ERO1B: variants seen among roughly 807,000 people sequenced by gnomAD.
ERO1B encodes ERO1-like protein beta.
Under a neutral mutation model 75.3 loss-of-function variants are expected in ERO1B, and 49 were observed. The observed-to-expected ratio is 0.65, with a 90% CI of 0.52 to 0.83. The LOEUF (loss-of-function observed/expected upper bound fraction) is 0.83. Among genes scored for constraint, ERO1B ranks in the 40% least tolerant of loss-of-function variants. ERO1B has a pLI of 0.00. For synonymous variants in ERO1B, 191 were observed against 192.9 expected, an observed-to-expected ratio of 0.99 and a Z score of 0.08; for missense variants, 512 against 560.1, an observed-to-expected ratio of 0.91 and a Z score of 0.87.
At chr1:236,224,275 T>A (rs1664225338) in intron 13 of ERO1B, among the ~76,000 whole-genome samples, 1 of 152,114 alleles carries the variant, frequency 6.6e-6, no homozygotes, top group South Asian at 2.1e-4. Context: ...TTTTTGAAAC[T>A]ACCCGGATTT....
At chr1:236,220,638 G>A (rs1469834331) in intron 15 of ERO1B, 194 bp downstream of exon 15, 1 of 397,868 alleles carries the variant, frequency 2.5e-6, no homozygotes, top group Non-Finnish European at 4.3e-6. Flanking sequence ...CTGGCAATTG[G>A]AAACTTAGTT....
At position 236,281,864 on chromosome 1, in the gene ERO1B, G is replaced by A; in HGVS notation, c.-81C>T. 2 of 1,079,772 alleles carry A rather than the reference G, an allele frequency of 1.9e-6. No homozygotes were observed. Among genetic ancestry groups the A allele is most frequent in the Admixed American group, 3.6e-5 (1 of 27,426 alleles). 66.9% of individuals were successfully genotyped at this position (1,079,772 alleles called of 1,614,324 possible). A position where few individuals can be genotyped will look rare whatever the true frequency, so the allele number is the denominator to read the frequency against. On this transcript the variant is annotated 5_prime_UTR_variant, in exon 1 of 16. Coordinates refer to ENST00000354619, the MANE Select transcript of ERO1B (RefSeq NM_019891.4). ...GGCGGCCCAGGCGACGACCCAAGGGGACGGTTCCCAGCGGCCGAGCGACTC... is the reference window on the plus strand; with the variant it reads ...GGCGGCCCAGGCGACGACCCAAGGGAACGGTTCCCAGCGGCCGAGCGACTC...
chr1:236,268,703 G>T (rs528753346), intron 2 of ERO1B, among the ~76,000 whole-genome samples: 5 of 151,298 alleles, frequency 3.3e-5, no homozygotes. Context: ...TGGCTAACAT[G>T]GTGAAACCCC....
chr1:236,269,996 T>C lies in ERO1B; in HGVS notation c.103-2A>G. 1 of 1,573,650 alleles carries C rather than the reference T, an allele frequency of 6.4e-7. No individual in the cohort carries two copies. The highest frequency in any genetic ancestry group is 8.7e-7 in the Non-Finnish European group (1 of 1,153,036). On this transcript the variant is annotated splice_acceptor_variant, in intron 1 of 15. Transcript: ENST00000354619. LOFTEE classifies it high-confidence loss of function. ...GCAATCATCCAGAACTCCAGTGACC[T>C]AGAATTTATATAATTTAAAATATGT...
At chr1:236,222,075 G>T in intron 13 of ERO1B, 65 bp from the exon 14 acceptor site, 1 of 1,226,138 alleles carries the variant, frequency 8.2e-7, no homozygotes, top group Non-Finnish European at 1.2e-6. Context: ...TTGGCTAAAC[G>T]ATAAGTAAGT....
At chr1:236,228,911 A>G (rs994947574) in intron 10 of ERO1B, among the ~76,000 whole-genome samples, 1 of 152,198 alleles carries the variant, frequency 6.6e-6, no homozygotes, top group South Asian at 2.1e-4. Context: ...AGAATCCAAT[A>G]TTGTTTCTAA....
intron 2 of ERO1B, chr1:236,268,099 T>C (rs1665492407): frequency 6.6e-6 from 1 of 152,246 alleles, no homozygotes; most frequent in African/African-American, 2.4e-5. Flanking sequence ...TAAAGGATTT[T>C]GTACAGAGGA....
At chr1:236,263,548 C>T (rs1665341547) in intron 2 of ERO1B, among the ~76,000 whole-genome samples, 1 of 151,992 alleles carries the variant, frequency 6.6e-6, no homozygotes, top group Non-Finnish European at 1.5e-5. Flanking sequence ...TGCACCAGGC[C>T]AAAATTCAGT....
At chr1:236,249,780 T>C in intron 5 of ERO1B, 105 bp downstream of exon 5, 1 of 744,064 alleles carries the variant, frequency 1.3e-6, no homozygotes, top group Non-Finnish European at 2.1e-6. Context: ...AAAAATATAT[T>C]AGTTAAAACT....
rs1214164464 is a variant in ERO1B at position 236,215,149 on chromosome 1, A to G, written c.*3367T>C. Among the ~76,000 whole-genome samples the G allele has an allele frequency of 6.6e-6, 1 of 152,224 alleles. No individual in the cohort carries two copies. Among genetic ancestry groups the G allele is most frequent in the Non-Finnish European group, 1.5e-5 (1 of 68,040 alleles). ...CAATACAAATCAAACAATGCTTTTA[A>G]TTGTTCCCACTTTGTAGCTGAATGG... On this transcript the variant is annotated 3_prime_UTR_variant, in exon 16 of 16. Transcript: ENST00000354619.
chr1:236,249,201 T>C (rs978272329), intron 5 of ERO1B, among the ~76,000 whole-genome samples: 3 of 152,062 alleles, frequency 2.0e-5, no homozygotes, highest in Non-Finnish European at 4.4e-5. Context: ...AATTTTTGTA[T>C]TTTTAGTAGA....
At chr1:236,251,519 CAGAGAG>C (rs541231108) in intron 4 of ERO1B, 1 of 941,760 alleles carries the variant, frequency 1.1e-6, no homozygotes, top group East Asian at 1.2e-4. Flanking sequence ...AAGAAGGAGA[CAGAGAG>C]AGAGGGTATG....
chr1:236,260,592 G>C (rs1233332447), intron 2 of ERO1B, among the ~76,000 whole-genome samples: 5 of 151,498 alleles, frequency 3.3e-5, no homozygotes, highest in African/African-American at 7.3e-5. Flanking sequence ...TTGAACCCAG[G>C]AGATGGAGGT....
At chr1:236,265,560 T>C (rs1665415395) in intron 2 of ERO1B, among the ~76,000 whole-genome samples, 1 of 152,360 alleles carries the variant, frequency 6.6e-6, no homozygotes, top group Non-Finnish European at 1.5e-5. Context: ...CAAATCTGTA[T>C]TGTTTTTATC....
At chr1:236,251,204 A>G (rs1419491360) in intron 4 of ERO1B, among the ~76,000 whole-genome samples, 2 of 151,898 alleles carry the variant, frequency 1.3e-5, no homozygotes, top group Non-Finnish European at 1.5e-5. Context: ...TATTAATATT[A>G]TTTAAATTAA....
chr1:236,266,735 C>A (rs115068869), intron 2 of ERO1B, among the ~76,000 whole-genome samples: 1 of 152,044 alleles, frequency 6.6e-6, no homozygotes, highest in African/African-American at 2.4e-5. Flanking sequence ...TATATTCCTT[C>A]TTATTTCTTT....
chr1:236,224,987 A>C (rs1317051848), intron 13 of ERO1B, 83 bp downstream of exon 13: 1 of 1,282,440 alleles, frequency 7.8e-7, no homozygotes, highest in Non-Finnish European at 1.1e-6. Flanking sequence ...GAAAACTGGG[A>C]AAGAAAACAG....
chr1:236,254,109 AG>A (rs1665104507), intron 2 of ERO1B, among the ~76,000 whole-genome samples: 2 of 152,198 alleles, frequency 1.3e-5, no homozygotes, highest in Non-Finnish European at 2.9e-5. Context: ...TTAATGTAGA[AG>A]GGGGAGGGTG....
chr1:236,270,879 T>C (rs1246726490), intron 1 of ERO1B, among the ~76,000 whole-genome samples: 1 of 151,986 alleles, frequency 6.6e-6, no homozygotes, highest in Non-Finnish European at 1.5e-5. Context: ...ATGGGGTAGG[T>C]AGGGTAGGAA....
Sources: allele counts gnomAD v4.1 joint callset (sites outside exome capture counted in the v4.1 genomes callset), GRCh38; gene constraint gnomAD v4.1.1; transcripts MANE v1.5; gene names NCBI Gene and HGNC (gene_info 2026-07-23, HGNC 2026-07-21).